AGBL1: variants seen among roughly 807,000 people sequenced by gnomAD.
The protein encoded by AGBL1 is cytosolic carboxypeptidase 4.
In AGBL1, 130 loss-of-function variants were observed where a neutral mutation model predicts 118.9. The observed-to-expected ratio is 1.09, with a 90% CI of 0.95 to 1.26. The LOEUF (loss-of-function observed/expected upper bound fraction) is 1.26. Ranked by LOEUF, AGBL1 falls within the 50% of genes most tolerant of loss-of-function variation. The pLI is 0.00. For synonymous variants in AGBL1, 555 were observed against 478.9 expected (o/e 1.16, Z -2.08); for missense variants, 1,584 against 1,298.1 (o/e 1.22, Z -3.38).
At chr15:86,210,888 G>A (rs1292162639) in intron 5 of AGBL1, among the ~76,000 whole-genome samples, 1 of 152,192 alleles carries the variant, frequency 6.6e-6, no homozygotes, top group Non-Finnish European at 1.5e-5. Flanking sequence ...CTTTGAAGGA[G>A]AAAAGGCACT....
chr15:86,331,827 C>A (rs1015452609), intron 17 of AGBL1, among the ~76,000 whole-genome samples: 2 of 152,194 alleles, frequency 1.3e-5, no homozygotes, highest in African/African-American at 4.8e-5. Flanking sequence ...ATAACTATAC[C>A]TGCTATACAG....
chr15:86,589,610 T>G (rs1452583367), intron 21 of AGBL1, among the ~76,000 whole-genome samples: 1 of 152,144 alleles, frequency 6.6e-6, no homozygotes, highest in Admixed American at 6.6e-5. Flanking sequence ...AGATAAAAAG[T>G]TTTGCCTCCG....
chr15:86,493,220 CACAT>C (rs2082806222), intron 18 of AGBL1, among the ~76,000 whole-genome samples: 1 of 151,240 alleles, frequency 6.6e-6, no homozygotes, highest in Non-Finnish European at 1.5e-5. Context: ...CAAACAAAAA[CACAT>C]ACAAAAAAAC....
intron 21 of AGBL1, among the ~76,000 whole-genome samples, chr15:86,654,242 T>C (rs1159898316): frequency 1.3e-5 from 2 of 152,136 alleles, no homozygotes; most frequent in Non-Finnish European, 2.9e-5. Context: ...GTTTATAATC[T>C]CTACTCCTCC....
intron 17 of AGBL1, among the ~76,000 whole-genome samples, chr15:86,338,229 C>T (rs1254801148): frequency 6.6e-6 from 1 of 152,128 alleles, no homozygotes; most frequent in Admixed American, 6.5e-5. Context: ...AAGAAAATAG[C>T]AATTGCAAAA....
intron 23 of AGBL1, among the ~76,000 whole-genome samples, chr15:86,926,967 G>T (rs544460381): frequency 5.9e-5 from 9 of 151,944 alleles, no homozygotes; most frequent in Non-Finnish European, 1.2e-4. Flanking sequence ...AGTGTAACCC[G>T]TCTCTACTAA....
In AGBL1 at chr15:86,607,054, G is replaced by A. The variant is rs571525366; in HGVS notation, c.2994+52517G>A. On this transcript the variant is annotated intron_variant, in intron 21 of 22. Transcript: ENST00000614907. Reference sequence around the variant, plus strand: ...CCATTTCCAGAATGTCATATAGTTGGAATGATACAGTATGAAGCCTTTTCA... The same window carrying A: ...CCATTTCCAGAATGTCATATAGTTGAAATGATACAGTATGAAGCCTTTTCA... 3.3e-5 allele frequency among the ~76,000 whole-genome samples: 5 copies of A among 152,244 alleles called. No homozygotes were observed. In the South Asian group the frequency reaches 1.0e-3, roughly 32 times the overall value.
intron 1 of AGBL1, among the ~76,000 whole-genome samples, chr15:86,111,544 G>C (rs973033393): frequency 3.3e-5 from 5 of 152,182 alleles, no homozygotes; most frequent in Admixed American, 6.5e-5. Context: ...AAGCCTCATG[G>C]CTGTTTCCCT....
chr15:86,260,151 A>G (rs1485825354), intron 9 of AGBL1, among the ~76,000 whole-genome samples: 3 of 152,266 alleles, frequency 2.0e-5, no homozygotes, highest in Non-Finnish European at 4.4e-5. Flanking sequence ...AGGCACAGCA[A>G]GAGCAAGGAA....
chr15:86,785,673 T>G (rs16977984), intron 22 of AGBL1, among the ~76,000 whole-genome samples: 6,617 of 152,046 alleles, frequency 0.044, 317 homozygotes, highest in East Asian at 0.13. Flanking sequence ...CGGCCCGAGA[T>G]GTGCGTGTTT....
chr15:86,556,440 T>C (rs1262327573), intron 21 of AGBL1, among the ~76,000 whole-genome samples: 1 of 152,194 alleles, frequency 6.6e-6, no homozygotes, highest in African/African-American at 2.4e-5. Context: ...GAAAAACACT[T>C]CTCCGAATGT....
intron 19 of AGBL1, among the ~76,000 whole-genome samples, chr15:86,523,352 C>T (rs2083215552): frequency 6.6e-6 from 1 of 152,136 alleles, no homozygotes; most frequent in Non-Finnish European, 1.5e-5. Flanking sequence ...GTCCAAGTTG[C>T]CCTCTTCTAA....
intron 22 of AGBL1, among the ~76,000 whole-genome samples, chr15:86,730,540 T>A (rs1437811610): frequency 6.6e-6 from 1 of 152,228 alleles, no homozygotes; most frequent in Middle Eastern, 3.2e-3. Flanking sequence ...CCCAGGCTTA[T>A]TCAGATACAA....
intron 16 of AGBL1, among the ~76,000 whole-genome samples, chr15:86,285,897 T>A (rs1014982311): frequency 6.6e-6 from 1 of 150,812 alleles, no homozygotes; most frequent in Admixed American, 6.6e-5. Context: ...CTTTTTGACT[T>A]TTTGTCTCTC....
At chr15:86,890,864 C>A (rs546837939) in intron 22 of AGBL1, among the ~76,000 whole-genome samples, 1 of 152,230 alleles carries the variant, frequency 6.6e-6, no homozygotes, top group South Asian at 2.1e-4. Flanking sequence ...ATTATCTTTG[C>A]TATGCAGGCT....
intron 1 of AGBL1, among the ~76,000 whole-genome samples, chr15:86,132,617 C>A (rs1021953365): frequency 5.3e-5 from 8 of 152,204 alleles, no homozygotes; most frequent in African/African-American, 1.9e-4. Context: ...ATGGAGCCTG[C>A]TTTCCAATCA....
chr15:86,473,750 TG>T (rs2082513896), intron 18 of AGBL1, among the ~76,000 whole-genome samples: 1 of 152,246 alleles, frequency 6.6e-6, no homozygotes, highest in Admixed American at 6.5e-5. Context: ...ATGCTGTTTT[TG>T]GAATTTTAGT....
At chr15:86,149,658 A>G (rs533913166) in intron 3 of AGBL1, among the ~76,000 whole-genome samples, 5 of 152,304 alleles carry the variant, frequency 3.3e-5, no homozygotes, top group South Asian at 4.2e-4. Flanking sequence ...AGAGACTTAG[A>G]CTCCCACACA....
At chr15:86,959,553 CAA>C (rs57513795) in intron 23 of AGBL1, among the ~76,000 whole-genome samples, 17,779 of 152,042 alleles carry the variant, frequency 0.12, 1,560 homozygotes, top group African/African-American at 0.23. Context: ...CACAAACACC[CAA>C]AGTCTTCTTT....
Sources: allele counts gnomAD v4.1 joint callset (sites outside exome capture counted in the v4.1 genomes callset), GRCh38; gene constraint gnomAD v4.1.1; transcripts MANE v1.5; gene names NCBI Gene and HGNC (gene_info 2026-07-23, HGNC 2026-07-21).